Variants in INPP4B observed in about 807,000 individuals in gnomAD.
INPP4B encodes the protein inositol polyphosphate-4-phosphatase type II B.
Under a neutral mutation model 122.5 loss-of-function variants are expected in INPP4B, and 55 were observed. The observed-to-expected ratio is 0.45, with a 90% CI of 0.36 to 0.56. INPP4B has a LOEUF of 0.56. INPP4B is among the 20% of genes least tolerant of loss of function. The pLI, the probability that INPP4B is intolerant of heterozygous loss-of-function variation, is 0.00. For missense variants in INPP4B, 1,000 were observed against 1,097.7 expected (o/e 0.91, Z 1.26); for synonymous variants, 403 against 388.7 (o/e 1.04, Z -0.43).
At chr4:142,355,359 G>C (rs1368047292) in intron 7 of INPP4B, among the ~76,000 whole-genome samples, 1 of 151,932 alleles carries the variant, frequency 6.6e-6, no homozygotes, top group Non-Finnish European at 1.5e-5. Context: ...ATGCAGATTT[G>C]CTCTTTTTTT....
chr4:142,222,492 T>C (rs1371746582), intron 12 of INPP4B, among the ~76,000 whole-genome samples: 1 of 152,224 alleles, frequency 6.6e-6, no homozygotes, highest in Non-Finnish European at 1.5e-5. Flanking sequence ...CCCTCTACAC[T>C]TTTGTCCCAT....
At chr4:142,441,796 G>A (rs1811773280) in intron 3 of INPP4B, among the ~76,000 whole-genome samples, 1 of 147,420 alleles carries the variant, frequency 6.8e-6, no homozygotes, top group South Asian at 2.2e-4. Context: ...AGCAGATAAG[G>A]CCACTGAGTT....
intron 23 of INPP4B, among the ~76,000 whole-genome samples, chr4:142,099,869 C>T (rs1051176288): frequency 1.3e-5 from 2 of 152,264 alleles, no homozygotes; most frequent in Admixed American, 6.5e-5. Context: ...CTTTTACACT[C>T]ATGTCCAGAG....
At chr4:142,701,010 A>G (rs1221048879) in intron 2 of INPP4B, among the ~76,000 whole-genome samples, 1 of 152,174 alleles carries the variant, frequency 6.6e-6, no homozygotes, top group Non-Finnish European at 1.5e-5. Flanking sequence ...CCATAAGAAA[A>G]TTTATTGGAA....
chr4:142,501,914 C>T (rs932792195), intron 2 of INPP4B, among the ~76,000 whole-genome samples: 3 of 152,106 alleles, frequency 2.0e-5, no homozygotes, highest in African/African-American at 2.4e-5. Flanking sequence ...GTGCTCCCCA[C>T]GAAGTCCCCC....
At chr4:142,107,986 C>T (rs1220314261) in intron 23 of INPP4B, 107 bp downstream of exon 23, 2 of 621,636 alleles carry the variant, frequency 3.2e-6, no homozygotes, top group African/African-American at 1.9e-5. Flanking sequence ...ATCACTCTCA[C>T]ATCCCTACCC....
intron 7 of INPP4B, among the ~76,000 whole-genome samples, chr4:142,369,731 G>A (rs1292774094): frequency 3.3e-5 from 5 of 151,510 alleles, no homozygotes; most frequent in South Asian, 2.1e-4. Flanking sequence ...GTTCGAGACC[G>A]GCCGGGCCAA....
intron 3 of INPP4B, among the ~76,000 whole-genome samples, chr4:142,435,560 A>G (rs1810284705): frequency 6.6e-6 from 1 of 152,164 alleles, no homozygotes; most frequent in African/African-American, 2.4e-5. Flanking sequence ...AAGAGCATAC[A>G]AATCCTGCAC....
intron 12 of INPP4B, among the ~76,000 whole-genome samples, chr4:142,214,698 G>A (rs1471642573): frequency 4.6e-5 from 7 of 152,032 alleles, no homozygotes; most frequent in Admixed American, 3.3e-4. Context: ...GACTACAGGC[G>A]CCTGCCATCA....
At chr4:142,404,014 ATAAG>A (rs1164549592) in intron 6 of INPP4B, among the ~76,000 whole-genome samples, 2 of 151,692 alleles carry the variant, frequency 1.3e-5, no homozygotes, top group Non-Finnish European at 2.9e-5. Flanking sequence ...AAATGAGTGA[ATAAG>A]TAAATTTTGG....
intron 25 of INPP4B, among the ~76,000 whole-genome samples, chr4:142,048,448 C>A (rs1330435896): frequency 6.6e-6 from 1 of 151,956 alleles, no homozygotes; most frequent in Non-Finnish European, 1.5e-5. Flanking sequence ...CCAGTTCATA[C>A]CTATTGTCCC....
chr4:142,475,477 G>A (rs1375791231), intron 2 of INPP4B, among the ~76,000 whole-genome samples: 3 of 152,058 alleles, frequency 2.0e-5, no homozygotes, highest in African/African-American at 7.2e-5. Context: ...ACCCAGAAAT[G>A]GTTCTTACCT....
At chr4:142,096,070 C>T (rs1488847361) in intron 23 of INPP4B, 1 of 152,136 alleles carries the variant, frequency 6.6e-6, no homozygotes, top group Non-Finnish European at 1.5e-5. Flanking sequence ...GCATTGAAAA[C>T]ACTAAATGAC....
At chr4:142,722,427 A>G (rs1052948627) in intron 2 of INPP4B, among the ~76,000 whole-genome samples, 3 of 152,210 alleles carry the variant, frequency 2.0e-5, no homozygotes, top group African/African-American at 7.2e-5. Flanking sequence ...TGGGGAATTG[A>G]TGGAAGACCT....
At chr4:142,082,272 C>T (rs1342240439) in intron 24 of INPP4B, 87 bp from the exon 25 acceptor site, 3 of 1,097,128 alleles carry the variant, frequency 2.7e-6, no homozygotes, top group Admixed American at 2.7e-5. Context: ...AGTCTAAACA[C>T]ATCAAATATA....
chr4:142,068,475 G>T lies in INPP4B; in HGVS notation c.2642+13556C>A, dbSNP rs530973215. 1.9e-4 allele frequency among the ~76,000 whole-genome samples: 29 copies of T among 152,148 alleles called. No individual in the cohort carries two copies. In the East Asian group the frequency reaches 3.9e-3, roughly 20 times the overall value. On this transcript the variant is annotated intron_variant, in intron 25 of 25. Transcript: ENST00000262992. ...CATAATGACAGGATCAAATTCACAT[G>T]TAACAATATTAACATTAAATGTAAA... is the stretch of plus-strand genomic sequence containing the variant.
chr4:142,649,911 T>C (rs1193982629), intron 2 of INPP4B, among the ~76,000 whole-genome samples: 2 of 152,056 alleles, frequency 1.3e-5, no homozygotes, highest in Admixed American at 6.6e-5. Flanking sequence ...AGACACATAA[T>C]TGTCAGATTC....
rs75336132 is a variant in INPP4B at position 142,459,151 on chromosome 4, G to A, written c.-127+3512C>T. Among the ~76,000 whole-genome samples the A allele has an allele frequency of 1.7e-4, 26 of 152,260 alleles. No homozygotes were observed. In the East Asian group the frequency reaches 4.8e-3, roughly 28 times the overall value. On this transcript the variant is annotated intron_variant, in intron 3 of 25. Transcript: ENST00000262992. ...ATTCCCTTGGTGTTTGTGTTTGTTA[G>A]GAAAGGTTAACAGGGTAGAGTAGAG...
chr4:142,486,143 C>T (rs1021068725), intron 2 of INPP4B, among the ~76,000 whole-genome samples: 2 of 152,094 alleles, frequency 1.3e-5, no homozygotes, highest in South Asian at 2.1e-4. Flanking sequence ...TAGCTACCAG[C>T]AATAGCCAGA....
Sources: allele counts gnomAD v4.1 joint callset (sites outside exome capture counted in the v4.1 genomes callset), GRCh38; gene constraint gnomAD v4.1.1; transcripts MANE v1.5; gene names NCBI Gene and HGNC (gene_info 2026-07-23, HGNC 2026-07-21).